Variants in TLE2 observed in about 807,000 individuals in gnomAD.
TLE2 encodes the protein transducin-like enhancer protein 2.
Under a neutral mutation model 97.2 loss-of-function variants are expected in TLE2, and 74 were observed. The ratio of observed to expected loss-of-function variants is 0.76; its 90% CI spans 0.63 to 0.92. The LOEUF is 0.92. Ranked by LOEUF, TLE2 falls within the 40% of genes least tolerant of loss-of-function variation. The pLI is 0.00. For missense variants in TLE2, 1,038 were observed against 1,008.7 expected, an observed-to-expected ratio of 1.03 and a Z score of -0.39; for synonymous variants, 499 against 432.1, an observed-to-expected ratio of 1.15 and a Z score of -1.92.
chr19:3,023,098 A>G (rs1487075223), intron 5 of TLE2, among the ~76,000 whole-genome samples: 1 of 147,822 alleles, frequency 6.8e-6, no homozygotes, highest in Non-Finnish European at 1.5e-5. Flanking sequence ...TGTGTTGCCC[A>G]GGCTGGAGTG....
At chr19:3,027,984 G>T in intron 3 of TLE2, 111 bp from the exon 4 acceptor site, 1 of 1,128,898 alleles carries the variant, frequency 8.9e-7, no homozygotes, top group Non-Finnish European at 1.3e-6. Context: ...AATCACAGCA[G>T]GAAGCAGAGC....
In TLE2 at chr19:2,997,918, G is replaced by A; in HGVS notation, c.2162C>T (p.Ser721Phe). The stretch of plus-strand genomic sequence containing the variant: ...TGTCACGATGTATTTGTTATTTCTG[G>A]AGATGTCACAACTCAGGACTGAGGA... ...ESSSVLSCDI[S>F]RNNKYIVTGS... The change falls in exon 20 of 20, where the codon TCC (serine) becomes TTC (phenylalanine). Residue 721 changes from serine (S) to phenylalanine (F), a missense_variant. Coordinates refer to ENST00000262953, the MANE Select transcript of TLE2 (RefSeq NM_003260.5). The A allele has an allele frequency of 6.2e-7, 1 of 1,613,168 alleles. No homozygotes were observed. The highest frequency in any genetic ancestry group is 8.5e-7 in the Non-Finnish European group (1 of 1,179,632).
chr19:3,022,356 C>A (rs4806894), intron 5 of TLE2, among the ~76,000 whole-genome samples: 33,764 of 151,662 alleles, frequency 0.22, 3,863 homozygotes, highest in East Asian at 0.34. Flanking sequence ...ACCACCCCCC[C>A]ACCCCATCTA....
At chr19:3,008,200 AC>A (rs2089515886) in intron 14 of TLE2, among the ~76,000 whole-genome samples, 1 of 152,172 alleles carries the variant, frequency 6.6e-6, no homozygotes, top group Non-Finnish European at 1.5e-5. Flanking sequence ...TGGGTCTAGA[AC>A]ACTTCCATCA....
intron 4 of TLE2, among the ~76,000 whole-genome samples, chr19:3,025,820 G>A (rs1194751079): frequency 1.3e-5 from 2 of 151,982 alleles, no homozygotes; most frequent in Admixed American, 6.6e-5. Context: ...CCCATAAAGG[G>A]GGGTCTATTG....
At chr19:3,001,089 A>G (rs1375655031) in intron 18 of TLE2, among the ~76,000 whole-genome samples, 6 of 151,986 alleles carry the variant, frequency 3.9e-5, no homozygotes, top group Non-Finnish European at 8.8e-5. Context: ...CCTGGCCAAC[A>G]TGGTGAAACC....
intron 12 of TLE2, among the ~76,000 whole-genome samples, chr19:3,010,381 A>G (rs2089570837): frequency 6.6e-6 from 1 of 151,626 alleles, no homozygotes; most frequent in African/African-American, 2.4e-5. Flanking sequence ...AAAGGAAAAA[A>G]AAAAACAAAA....
intron 3 of TLE2, 58 bp downstream of exon 3, chr19:3,028,261 C>T: frequency 6.5e-7 from 1 of 1,535,980 alleles, no homozygotes; most frequent in African/African-American, 1.4e-5. Flanking sequence ...CCAGAGTCCA[C>T]CGTGACTCAA....
In TLE2 at chr19:3,015,757, C is replaced by T; in HGVS notation, c.574G>A (p.Ala192Thr). Residue 192 changes from alanine to threonine, a missense_variant, in exon 9 of 20, where the codon GCA (alanine) becomes ACA (threonine). Coordinates refer to ENST00000262953, the MANE Select transcript of TLE2 (RefSeq NM_003260.5). ...SRVERAPSRSASPSPPESLVE... is the reference protein window; with the variant it reads ...SRVERAPSRSTSPSPPESLVE... ...AGACTCTCAGGGGGCGAGGGAGATG[C>T]ACTCTGCGGAGAGACAAAGGCCGGG... The T allele has an allele frequency of 6.2e-7, 1 of 1,605,602 alleles. No individual in the cohort carries two copies. The highest frequency in any genetic ancestry group is 8.5e-7 in the Non-Finnish European group (1 of 1,176,770).
In TLE2 at chr19:3,002,606, A is replaced by G; in HGVS notation, c.1897-103T>C. ...CAGGCTGGAGTGCAGTGGCACAATCATGGCTCACTGCAGCCTTGACCTCCA... is the reference window on the plus strand; with the variant it reads ...CAGGCTGGAGTGCAGTGGCACAATCGTGGCTCACTGCAGCCTTGACCTCCA... On this transcript the variant is annotated intron_variant, in intron 17 of 19. Coordinates refer to ENST00000262953, the MANE Select transcript of TLE2 (RefSeq NM_003260.5). 2.1e-6 allele frequency: 3 copies of G among 1,395,682 alleles called. No individual in the cohort carries two copies. The South Asian group carries it at 3.9e-5, about 18-fold the overall frequency. The allele number at this position is 1,395,682 out of a possible 1,614,324, so 86.5% of individuals were successfully genotyped here.
intron 1 of TLE2, among the ~76,000 whole-genome samples, chr19:3,043,412 C>T (rs1176383144): frequency 7.5e-6 from 1 of 132,474 alleles, no homozygotes; most frequent in Non-Finnish European, 1.6e-5. Flanking sequence ...CGCCTAACCT[C>T]GTGATCCGCC....
chr19:3,006,151 A>G (rs1194828468), intron 15 of TLE2, 183 bp from the exon 16 acceptor site: 1 of 945,576 alleles, frequency 1.1e-6, no homozygotes, highest in African/African-American at 1.6e-5. Flanking sequence ...ATCTGACTAT[A>G]AGCTCCATCC....
intron 14 of TLE2, among the ~76,000 whole-genome samples, chr19:3,008,075 C>CA (rs1235286474): frequency 4.7e-5 from 7 of 150,038 alleles, no homozygotes; most frequent in African/African-American, 1.7e-4. Flanking sequence ...GAGCGAAACT[C>CA]AGTCTCAGAA....
upstream of TLE2, among the ~76,000 whole-genome samples, chr19:3,033,832 C>A (rs1188280477): frequency 1.3e-5 from 2 of 152,024 alleles, no homozygotes; most frequent in Non-Finnish European, 2.9e-5. Context: ...TAGCGAGACC[C>A]AACCCCCACC....
rs1356156309 is a variant in TLE2, at chr19:3,005,508, G to A, written c.1825C>T (p.Leu609=). ...DYGTRLWTGG[L]DNTVRCWDLR... ...TCCCAGCAGCGCACCGTGTTGTCCAGGCCCCCTGTCCAGAGCCGAGTGCCG... is the reference window on the plus strand; with the variant it reads ...TCCCAGCAGCGCACCGTGTTGTCCAAGCCCCCTGTCCAGAGCCGAGTGCCG... The change falls in exon 17 of 20, where the codon CTG becomes TTG. Residue 609 remains leucine, a synonymous_variant. Transcript: ENST00000262953. 2.5e-6 allele frequency: 4 copies of A among 1,613,640 alleles called. No homozygotes were observed. Among genetic ancestry groups the A allele is most frequent in the Non-Finnish European group, 3.4e-6 (4 of 1,179,796 alleles).
At chr19:3,024,963 C>T (rs1354045743) in intron 5 of TLE2, 57 bp downstream of exon 5, 25 of 1,474,466 alleles carry the variant, frequency 1.7e-5, no homozygotes, top group Admixed American at 2.0e-5. Context: ...AGACCTACCC[C>T]CTCCCGTCTT....
chr19:3,032,740 G>C (rs1452352023), upstream of TLE2, among the ~76,000 whole-genome samples: 2 of 152,028 alleles, frequency 1.3e-5, no homozygotes, highest in East Asian at 3.8e-4. This position sits in a 1 kb window ranked among gnomAD's most constrained non-coding sequence, Gnocchi z 4.1. Context: ...CAAACAGGGA[G>C]CGCCATCATT....
At chr19:3,000,929 G>A (rs905181182) in intron 18 of TLE2, among the ~76,000 whole-genome samples, 4 of 149,698 alleles carry the variant, frequency 2.7e-5, no homozygotes, top group Admixed American at 6.8e-5. Context: ...GGACTCAAGC[G>A]CTCCTCCCAA....
Position 3,013,580 on chromosome 19 carries a change from A to G in TLE2, c.873+89T>C, listed in dbSNP as rs778614443. 9.3e-5 allele frequency: 113 copies of G among 1,219,212 alleles called. 1 individual carries two copies. The highest frequency in any genetic ancestry group is 1.2e-4 in the Non-Finnish European group (110 of 954,430). The allele number at this position is 1,219,212 out of a possible 1,614,324, so 75.5% of individuals were successfully genotyped here. A position where few individuals can be genotyped will look rare whatever the true frequency, so the allele number is the denominator to read the frequency against. Reference sequence around the variant, plus strand: ...TGCCAGCCCGGCTGGCTGATTTCTCATCACTGCCCTCTGCATCATGGGGTA... The same window carrying G: ...TGCCAGCCCGGCTGGCTGATTTCTCGTCACTGCCCTCTGCATCATGGGGTA... On this transcript the variant is annotated intron_variant, in intron 11 of 19. Coordinates refer to ENST00000262953, the MANE Select transcript of TLE2 (RefSeq NM_003260.5).
Sources: allele counts gnomAD v4.1 joint callset (sites outside exome capture counted in the v4.1 genomes callset), GRCh38; gene constraint gnomAD v4.1.1; non-coding constraint Gnocchi (gnomAD v3.1); transcripts MANE v1.5; gene names NCBI Gene and HGNC (gene_info 2026-07-23, HGNC 2026-07-21).